GPD2: variants seen among roughly 807,000 people sequenced by gnomAD.
GPD2 encodes glycerol-3-phosphate dehydrogenase, mitochondrial.
In GPD2, 54 loss-of-function variants were observed where a neutral mutation model predicts 82.4. The ratio of observed to expected loss-of-function variants is 0.66; its 90% CI spans 0.53 to 0.82. The LOEUF (loss-of-function observed/expected upper bound fraction) is 0.82. Among genes scored for constraint, GPD2 ranks in the 40% least tolerant of loss-of-function variants. The pLI, the probability that GPD2 is intolerant of heterozygous loss-of-function variation, is 0.00. For missense variants in GPD2, 748 were observed against 896.2 expected (o/e 0.83, Z 2.11); for synonymous variants, 288 against 306.1 (o/e 0.94, Z 0.62).
chr2:156,496,035 T>G lies in GPD2; in HGVS notation c.103-9T>G. 6.2e-7 allele frequency: 1 copy of G among 1,607,904 alleles called. No individual in the cohort carries two copies. Among genetic ancestry groups the G allele is most frequent in the Non-Finnish European group, 8.5e-7 (1 of 1,175,238 alleles). On this transcript the variant is annotated splice_polypyrimidine_tract_variant and intron_variant, in intron 2 of 16. Transcript: ENST00000438166. ...ATGGACAACTGAAAGTGATCTGCTT[T>G]TACATCAGATGAACCTGGCCTATGT...
chr2:156,460,160 G>A (rs1219870834), intron 1 of GPD2, among the ~76,000 whole-genome samples: 1 of 152,278 alleles, frequency 6.6e-6, no homozygotes, highest in Admixed American at 6.5e-5. Context: ...AAAATTTATG[G>A]TTGAAGAGAG....
At chr2:156,529,699 C>T (rs1685768410) in intron 6 of GPD2, among the ~76,000 whole-genome samples, 1 of 150,942 alleles carries the variant, frequency 6.6e-6, no homozygotes, top group African/African-American at 2.4e-5. Flanking sequence ...ATAGGGAATC[C>T]TTTCCCCATT....
intron 1 of GPD2, among the ~76,000 whole-genome samples, chr2:156,452,343 G>A (rs1682636944): frequency 6.6e-6 from 1 of 152,406 alleles, no homozygotes; most frequent in Admixed American, 6.5e-5. Context: ...CTCGCGGTTA[G>A]GAGCTGGAGA....
At chr2:156,444,815 A>G (rs532871832) in intron 1 of GPD2, among the ~76,000 whole-genome samples, 4 of 152,300 alleles carry the variant, frequency 2.6e-5, no homozygotes, top group Admixed American at 2.6e-4. Context: ...GCAGTGGCAC[A>G]TTTATAGCTC....
At chr2:156,578,633 T>A (rs1334797340) in intron 13 of GPD2, among the ~76,000 whole-genome samples, 1 of 152,164 alleles carries the variant, frequency 6.6e-6, no homozygotes, top group Non-Finnish European at 1.5e-5. Context: ...TGGCTAGAGA[T>A]CATGGGAAGG....
chr2:156,442,785 C>G (rs545681772), intron 1 of GPD2, among the ~76,000 whole-genome samples: 3 of 152,130 alleles, frequency 2.0e-5, no homozygotes, highest in Admixed American at 6.6e-5. Context: ...GGCAACAGAG[C>G]AAGACCCTGT....
intron 2 of GPD2, among the ~76,000 whole-genome samples, chr2:156,489,738 C>T (rs1211963078): frequency 9.4e-5 from 11 of 116,422 alleles, no homozygotes; most frequent in African/African-American, 1.3e-4. Flanking sequence ...CTCCCTCCCT[C>T]CCTCCCTCCC....
intron 1 of GPD2, among the ~76,000 whole-genome samples, chr2:156,451,302 C>G (rs1376517979): frequency 1.3e-5 from 2 of 150,620 alleles, no homozygotes; most frequent in African/African-American, 2.4e-5. Context: ...GCTGACCCCC[C>G]CACCTCCTTT....
intron 12 of GPD2, 117 bp from the exon 13 acceptor site, chr2:156,571,017 G>A: frequency 1.3e-6 from 1 of 779,484 alleles, no homozygotes; most frequent in Non-Finnish European, 2.3e-6. Context: ...GGACCAGAGA[G>A]TATAAAGAAA....
intron 2 of GPD2, among the ~76,000 whole-genome samples, chr2:156,491,599 G>A (rs1300389780): frequency 6.6e-6 from 1 of 151,908 alleles, no homozygotes; most frequent in Non-Finnish European, 1.5e-5. Context: ...TTTTCCAGTT[G>A]AGGACGATTA....
chr2:156,496,810 A>T (rs1684399855), intron 3 of GPD2, among the ~76,000 whole-genome samples: 1 of 152,166 alleles, frequency 6.6e-6, no homozygotes, highest in Admixed American at 6.5e-5. Flanking sequence ...AAATTTATTA[A>T]GCTGAAGTAA....
intron 13 of GPD2, among the ~76,000 whole-genome samples, chr2:156,578,377 T>C (rs72907912): frequency 0.12 from 18,249 of 152,172 alleles, 1,315 homozygotes; most frequent in Non-Finnish European, 0.17. Flanking sequence ...AATTACTTTT[T>C]TTTTTTTTGT....
At chr2:156,499,572 A>G (rs578159715) in intron 3 of GPD2, among the ~76,000 whole-genome samples, 23 of 152,232 alleles carry the variant, frequency 1.5e-4, no homozygotes, top group African/African-American at 4.8e-4. Flanking sequence ...GTCTTACTAT[A>G]TTTGCCTTTG....
chr2:156,528,298 G>A (rs1337963766), intron 6 of GPD2, among the ~76,000 whole-genome samples: 1 of 151,538 alleles, frequency 6.6e-6, no homozygotes, highest in Non-Finnish European at 1.5e-5. Flanking sequence ...TCTTCTACTT[G>A]TATATTTCTT....
At chr2:156,519,203 AT>A (rs989437822) in intron 6 of GPD2, among the ~76,000 whole-genome samples, 1 of 151,320 alleles carries the variant, frequency 6.6e-6, no homozygotes, top group Non-Finnish European at 1.5e-5. Flanking sequence ...AGTCAGTTTA[AT>A]TTTTTTGGGG....
rs775077056 is a variant in GPD2 at position 156,512,238 on chromosome 2, G to T, written c.418G>T (p.Ala140Ser). 1 of 1,580,998 alleles carries T rather than the reference G, an allele frequency of 6.3e-7. No homozygotes were observed. Among genetic ancestry groups the T allele is most frequent in the African/African-American group, 1.3e-5 (1 of 74,330 alleles). ...CTTTCAGTATAGGATGGTAAAAGAA[G>T]CCCTTCATGAGCGTGCCAACCTGCT... ...DIEQYRMVKE[A>S]LHERANLLEI... Residue 140 changes from alanine to serine, a missense_variant, in exon 5 of 17, where the codon GCC (alanine) becomes TCC (serine). Coordinates refer to ENST00000438166, the MANE Select transcript of GPD2 (RefSeq NM_000408.5).
intron 8 of GPD2, 119 bp from the exon 9 acceptor site, chr2:156,557,270 T>C: frequency 1.4e-6 from 1 of 735,074 alleles, no homozygotes; most frequent in Admixed American, 2.1e-5. Flanking sequence ...GTGCAAGTAA[T>C]AGTTCATATC....
At chr2:156,527,479 AT>A (rs1377054793) in intron 6 of GPD2, among the ~76,000 whole-genome samples, 2 of 151,664 alleles carry the variant, frequency 1.3e-5, no homozygotes, top group East Asian at 1.9e-4. Flanking sequence ...CACAACACCT[AT>A]TTTTTTTAAC....
chr2:156,416,714 C>T, the GPD2 span, among the ~76,000 whole-genome samples: 1 of 151,978 alleles, frequency 6.6e-6, no homozygotes, highest in Non-Finnish European at 1.5e-5. Flanking sequence ...ACTGATGATA[C>T]ATCAGTGAAC....
Sources: gnomAD v4.1 joint callset for allele counts (sites outside exome capture counted in the v4.1 genomes callset) on GRCh38, gnomAD v4.1.1 for gene constraint, MANE v1.5 for transcripts, NCBI Gene and HGNC (gene_info 2026-07-23, HGNC 2026-07-21) for gene names.